UTRN: variants seen among roughly 807,000 people sequenced by gnomAD.
UTRN encodes the protein utrophin.
UTRN carries 283 observed loss-of-function variants against 463.9 expected under a neutral mutation model. The ratio of observed to expected loss-of-function variants is 0.61; its 90% confidence interval spans 0.55 to 0.67. UTRN has a LOEUF of 0.67. Among genes scored for constraint, UTRN ranks in the 30% least tolerant of loss-of-function variants. UTRN has a pLI of 0.00. For synonymous variants in UTRN, 1,442 were observed against 1,431.5 expected (o/e 1.01, Z -0.17); for missense variants, 3,922 against 4,084.3 (o/e 0.96, Z 1.08).
At chr6:144,327,807 G>C (rs1301290769) in intron 2 of UTRN, among the ~76,000 whole-genome samples, 1 of 152,028 alleles carries the variant, frequency 6.6e-6, no homozygotes, top group Non-Finnish European at 1.5e-5. Context: ...AGCTGGGCAT[G>C]GTGGCGGGTA....
At chr6:144,694,331 T>C (rs1024336442) in intron 52 of UTRN, among the ~76,000 whole-genome samples, 2 of 151,806 alleles carry the variant, frequency 1.3e-5, no homozygotes, top group Non-Finnish European at 2.9e-5. Context: ...TCATCAAGGA[T>C]ATTAGCCTGA....
chr6:144,852,232 T>C lies in UTRN; in HGVS notation c.*1235T>C, dbSNP rs1192415159. The C allele has an allele frequency of 1.3e-5, 2 of 152,120 alleles. No homozygotes were observed. Among genetic ancestry groups the C allele is most frequent in the African/African-American group, 2.4e-5 (1 of 41,436 alleles). The allele number at this position is 152,120 out of a possible 1,614,324, so 9.4% of individuals were successfully genotyped here. A position where few individuals can be genotyped will look rare whatever the true frequency, so the allele number is the denominator to read the frequency against. ...TTCTACAGAAGAATGAAATTAATGC[T>C]TAGGTGATGGTACCTCCACCTACAT... On this transcript the variant is annotated 3_prime_UTR_variant, in exon 75 of 75. Coordinates refer to ENST00000367545, the MANE Select transcript of UTRN (RefSeq NM_007124.3).
intron 53 of UTRN, among the ~76,000 whole-genome samples, chr6:144,724,034 G>GA (rs901403873): frequency 7.2e-5 from 10 of 138,678 alleles, no homozygotes; most frequent in Non-Finnish European, 1.6e-4. Flanking sequence ...AAAAAAGAAA[G>GA]AAAAAAAAGA....
chr6:144,479,849 A>T lies in UTRN; in HGVS notation c.3374A>T (p.Glu1125Val). 6.2e-7 allele frequency: 1 copy of T among 1,613,896 alleles called. No individual in the cohort carries two copies. Among genetic ancestry groups the T allele is most frequent in the Non-Finnish European group, 8.5e-7 (1 of 1,179,956 alleles). The part of the protein sequence containing the change: ...TQKSRLSESQ[E>V]KAANLKKDLA... The stretch of plus-strand genomic sequence containing the variant: ...AAAAGTAGGTTGTCTGAAAGTCAAG[A>T]AAAAGCTGCGAACCTGAAGAAAGAC... The change falls in exon 26 of 75, where the codon GAA becomes GTA. Residue 1125 changes from glutamate (E) to valine (V), a missense_variant. By Grantham distance (121) the Glu-to-Val change is moderately radical. Coordinates refer to ENST00000367545, the MANE Select transcript of UTRN (RefSeq NM_007124.3).
intron 34 of UTRN, among the ~76,000 whole-genome samples, chr6:144,510,587 G>A (rs1483324191): frequency 1.3e-5 from 2 of 152,092 alleles, no homozygotes; most frequent in East Asian, 1.9e-4. Context: ...TTGCCAGCTT[G>A]TAGTTACTGA....
intron 3 of UTRN, among the ~76,000 whole-genome samples, chr6:144,421,088 C>T (rs1333786077): frequency 6.6e-6 from 1 of 152,114 alleles, no homozygotes; most frequent in Non-Finnish European, 1.5e-5. Flanking sequence ...CTCACTGCAA[C>T]CTTCACCTCC....
intron 61 of UTRN, among the ~76,000 whole-genome samples, chr6:144,788,983 T>C (rs890697000): frequency 3.3e-5 from 5 of 152,262 alleles, no homozygotes; most frequent in Non-Finnish European, 4.4e-5. Context: ...CTGTGTGTTC[T>C]TCTAGCCTTG....
At chr6:144,320,054 G>C (rs139767220) in intron 2 of UTRN, among the ~76,000 whole-genome samples, 2 of 150,948 alleles carry the variant, frequency 1.3e-5, no homozygotes, top group African/African-American at 4.9e-5. Context: ...GGCTTTCACC[G>C]TGTTGGCCAG....
At chr6:144,525,582 A>C (rs1235739889) in intron 41 of UTRN, among the ~76,000 whole-genome samples, 55 of 151,964 alleles carry the variant, frequency 3.6e-4, no homozygotes, top group Non-Finnish European at 4.4e-5. Context: ...TTTCTTGGTT[A>C]ATCTCACCAA....
Position 144,493,324 on chromosome 6 carries a change from A to G in UTRN, c.4461A>G (p.Glu1487=). The G allele has an allele frequency of 6.2e-7, 1 of 1,614,162 alleles. No homozygotes were observed. The highest frequency in any genetic ancestry group is 1.1e-5 in the South Asian group (1 of 91,088). ...KCMKLYKTLS[E]VKLEVETVIK... is the part of the protein sequence containing the mutation. ...AGAAACTGTATAAAACTTTGAGTGA[A>G]GTCAAACTTGAAGTGGAAACTGTGA... The change falls in exon 33 of 75, where the codon GAA becomes GAG. Residue 1487 remains glutamate (E), a synonymous_variant. Transcript: ENST00000367545.
intron 51 of UTRN, among the ~76,000 whole-genome samples, chr6:144,663,458 A>C (rs1780084363): frequency 2.6e-5 from 4 of 152,174 alleles, no homozygotes; most frequent in Admixed American, 2.0e-4. Context: ...TCATGACTTT[A>C]GGGACTATTA....
At chr6:144,604,871 C>T (rs940790326) in intron 51 of UTRN, among the ~76,000 whole-genome samples, 8 of 152,122 alleles carry the variant, frequency 5.3e-5, no homozygotes, top group Middle Eastern at 3.4e-3. Flanking sequence ...GCCGAGATTG[C>T]ACCGTTGCAC....
At chr6:144,371,051 A>G (rs1019812154) in intron 2 of UTRN, among the ~76,000 whole-genome samples, 1 of 152,126 alleles carries the variant, frequency 6.6e-6, no homozygotes, top group Non-Finnish European at 1.5e-5. Flanking sequence ...CCCCTGACTC[A>G]TCCCTGCAAG....
At chr6:144,599,450 C>T (rs903342079) in intron 51 of UTRN, among the ~76,000 whole-genome samples, 4 of 152,082 alleles carry the variant, frequency 2.6e-5, no homozygotes, top group African/African-American at 4.8e-5. Context: ...GATATGTCAA[C>T]TATGCTGAAA....
At chr6:144,344,236 T>A in intron 2 of UTRN, 1 of 1,304,118 alleles carries the variant, frequency 7.7e-7, no homozygotes, top group Non-Finnish European at 1.0e-6. Flanking sequence ...GCCACCACGT[T>A]TCATTGGAAA....
chr6:144,551,276 A>G (rs999293839), intron 48 of UTRN, among the ~76,000 whole-genome samples, 194 bp downstream of exon 48: 3 of 152,128 alleles, frequency 2.0e-5, no homozygotes, highest in African/African-American at 7.2e-5. Flanking sequence ...TTTTGTGAAC[A>G]TTGTTACAAT....
intron 2 of UTRN, among the ~76,000 whole-genome samples, chr6:144,316,017 G>A (rs546178359): frequency 1.9e-4 from 29 of 152,282 alleles, no homozygotes; most frequent in African/African-American, 7.0e-4. Flanking sequence ...ATTTCCCTCA[G>A]TTGTTTCCTT....
At chr6:144,488,483 C>T (rs1176789659) in intron 29 of UTRN, among the ~76,000 whole-genome samples, 190 bp from the exon 30 acceptor site, 2 of 152,008 alleles carry the variant, frequency 1.3e-5, no homozygotes, top group African/African-American at 4.8e-5. Flanking sequence ...ATTAGTAATT[C>T]AGCTGCATGG....
At chr6:144,530,787 T>A (rs2128601495) in intron 41 of UTRN, among the ~76,000 whole-genome samples, 1 of 152,086 alleles carries the variant, frequency 6.6e-6, no homozygotes, top group South Asian at 2.1e-4. Flanking sequence ...TACGTGAGTG[T>A]GCATGTGTGT....
Sources: allele counts gnomAD v4.1 joint callset (sites outside exome capture counted in the v4.1 genomes callset), GRCh38; gene constraint gnomAD v4.1.1; transcripts MANE v1.5; gene names NCBI Gene and HGNC (gene_info 2026-07-23, HGNC 2026-07-21).